The following SLCO5A1 variants were observed in gnomAD, a reference collection of about 807,000 sequenced individuals.
The protein encoded by SLCO5A1 is organic anion transporter polypeptide-related protein 4.
SLCO5A1 carries 39 observed loss-of-function variants against 65.1 expected under a neutral mutation model. That is an observed-to-expected ratio of 0.60 (90% CI 0.46 to 0.78). SLCO5A1 has a LOEUF of 0.78. Ranked by LOEUF, SLCO5A1 falls within the 30% of genes least tolerant of loss-of-function variation. The pLI, the probability that SLCO5A1 is intolerant of heterozygous loss-of-function variation, is 0.00. For missense variants in SLCO5A1, 1,029 were observed against 1,069.4 expected (o/e 0.96, Z 0.53); for synonymous variants, 438 against 415.7 (o/e 1.05, Z -0.65).
chr8:69,703,728 A>C (rs1057303648), intron 6 of SLCO5A1, among the ~76,000 whole-genome samples: 2 of 152,210 alleles, frequency 1.3e-5, no homozygotes, highest in Admixed American at 1.3e-4. Flanking sequence ...GGATGACAAG[A>C]TTCTACTGCG....
chr8:69,729,589 A>G (rs1343037598), intron 5 of SLCO5A1, among the ~76,000 whole-genome samples: 1 of 152,110 alleles, frequency 6.6e-6, no homozygotes, highest in African/African-American at 2.4e-5. Context: ...TCTGAAAACT[A>G]GTAAATAAAG....
intron 2 of SLCO5A1, among the ~76,000 whole-genome samples, chr8:69,784,195 CAA>C (rs1818915781): frequency 6.6e-6 from 1 of 152,034 alleles, no homozygotes; most frequent in Non-Finnish European, 1.5e-5. Flanking sequence ...TCTTACAATT[CAA>C]TAATTAGAAG....
intron 8 of SLCO5A1, among the ~76,000 whole-genome samples, chr8:69,677,144 A>C (rs1813583860): frequency 6.6e-6 from 1 of 152,248 alleles, no homozygotes; most frequent in Admixed American, 6.5e-5. Context: ...AAGAAAGAAG[A>C]GTAAAGAATA....
At chr8:69,824,145 A>G (rs1449145857) in intron 2 of SLCO5A1, among the ~76,000 whole-genome samples, 1 of 152,140 alleles carries the variant, frequency 6.6e-6, no homozygotes, top group Non-Finnish European at 1.5e-5. Context: ...AGGGAAATTT[A>G]TAGCACTAAA....
intron 2 of SLCO5A1, among the ~76,000 whole-genome samples, chr8:69,822,472 T>G (rs978299377): frequency 7.2e-5 from 11 of 152,268 alleles, no homozygotes; most frequent in African/African-American, 2.4e-4. Context: ...AAAATGTTCC[T>G]GTTCAATGTT....
intron 2 of SLCO5A1, among the ~76,000 whole-genome samples, chr8:69,811,651 C>G (rs144155283): frequency 2.6e-5 from 4 of 152,332 alleles, no homozygotes; most frequent in Non-Finnish European, 5.9e-5. Context: ...CTCAGAAAAG[C>G]CACAAGAAGA....
At chr8:69,760,729 T>C (rs1272352830) in intron 3 of SLCO5A1, among the ~76,000 whole-genome samples, 1 of 152,180 alleles carries the variant, frequency 6.6e-6, no homozygotes, top group Non-Finnish European at 1.5e-5. Context: ...TTGTGAAAAA[T>C]AACTTATCAT....
At position 69,747,319 on chromosome 8, in the gene SLCO5A1, C is replaced by G. The variant is rs539533810; in HGVS notation, c.1258+8105G>C. 2.6e-5 allele frequency among the ~76,000 whole-genome samples: 4 copies of G among 152,248 alleles called. No individual in the cohort carries two copies. In the South Asian group the frequency reaches 8.3e-4, roughly 32 times the overall value. Reference sequence around the variant, plus strand: ...TCTCATGAAACTTCTTGATCCTCTTCTTTTATGAGTACTTAAAGTGCAGTT... The same window carrying G: ...TCTCATGAAACTTCTTGATCCTCTTGTTTTATGAGTACTTAAAGTGCAGTT... On this transcript the variant is annotated intron_variant, in intron 4 of 9. Coordinates refer to ENST00000260126, the MANE Select transcript of SLCO5A1 (RefSeq NM_030958.3).
At chr8:69,798,290 G>A (rs753495286) in intron 2 of SLCO5A1, among the ~76,000 whole-genome samples, 1 of 152,058 alleles carries the variant, frequency 6.6e-6, no homozygotes. Context: ...CCAATTTTCT[G>A]TATTGGTCCT....
At chr8:69,723,234 T>C (rs992946185) in intron 5 of SLCO5A1, among the ~76,000 whole-genome samples, 4 of 152,144 alleles carry the variant, frequency 2.6e-5, no homozygotes, top group African/African-American at 9.7e-5. Context: ...TGAATACAAA[T>C]TAAACACATT....
At chr8:69,803,701 G>C (rs1819860794) in intron 2 of SLCO5A1, among the ~76,000 whole-genome samples, 2 of 152,236 alleles carry the variant, frequency 1.3e-5, no homozygotes, top group East Asian at 3.9e-4. Flanking sequence ...ACTCACTAAA[G>C]TGTATGGCTG....
chr8:69,761,029 A>C (rs573482358), intron 3 of SLCO5A1, among the ~76,000 whole-genome samples: 1 of 152,324 alleles, frequency 6.6e-6, no homozygotes, highest in African/African-American at 2.4e-5. Flanking sequence ...AAGTGAAAAC[A>C]ATGTATTTTT....
intron 2 of SLCO5A1, among the ~76,000 whole-genome samples, chr8:69,817,411 C>T (rs980126390): frequency 2.0e-5 from 3 of 152,116 alleles, no homozygotes; most frequent in Non-Finnish European, 2.9e-5. Context: ...GGCTTGCTTC[C>T]GCCTCTTGGC....
intron 2 of SLCO5A1, among the ~76,000 whole-genome samples, chr8:69,774,866 A>C (rs574905091): frequency 3.4e-4 from 52 of 152,166 alleles, no homozygotes; most frequent in Non-Finnish European, 5.6e-4. Context: ...AGTGATACCA[A>C]CTCTCTTTCA....
intron 2 of SLCO5A1, among the ~76,000 whole-genome samples, chr8:69,825,372 A>G (rs2130924469): frequency 6.6e-6 from 1 of 152,362 alleles, no homozygotes; most frequent in East Asian, 1.9e-4. Flanking sequence ...TTGTATATTT[A>G]GAAAACCCCA....
chr8:69,833,675 C>T (rs1184292747), intron 1 of SLCO5A1: 1 of 152,262 alleles, frequency 6.6e-6, no homozygotes, highest in South Asian at 2.1e-4. Context: ...TGTGTGCACA[C>T]TGGTGTGCGT....
At chr8:69,821,815 A>G (rs1158305206) in intron 2 of SLCO5A1, among the ~76,000 whole-genome samples, 1 of 151,764 alleles carries the variant, frequency 6.6e-6, no homozygotes, top group East Asian at 1.9e-4. Context: ...CAAAAAAAAA[A>G]AAAAAAAGAA....
At position 69,667,449 on chromosome 8, in the gene SLCO5A1, G is replaced by GA. The variant is rs1226742010; in HGVS notation, c.*5419dup. On this transcript the variant is annotated 3_prime_UTR_variant, in exon 10 of 10. Transcript: ENST00000260126. ...TTTGGGGTAGAGGTATGTATTTTAA[G>GA]AAAAATGCCCATTATTTGGTACTAC... 5 of 152,100 alleles carry GA rather than the reference G, an allele frequency of 3.3e-5. No homozygotes were observed. The highest frequency in any genetic ancestry group is 2.0e-4 in the Admixed American group (3 of 15,266). The allele number at this position is 152,100 out of a possible 1,614,324, so 9.4% of individuals were successfully genotyped here. A position where few individuals can be genotyped will look rare whatever the true frequency, so the allele number is the denominator to read the frequency against.
In SLCO5A1 at chr8:69,672,902, T is replaced by TG. The variant is rs1393466574; in HGVS notation, c.2513_2514insC (p.Glu838AspfsTer20). ...GCGGCTCCAAGGCAGCGGGGCTCTC[T>TG]TCCAGCCCCGGGTCCGCAGAGGAAC... On this transcript the variant is annotated frameshift_variant, in exon 10 of 10. Transcript: ENST00000260126. LOFTEE classifies it high-confidence loss of function. The TG allele has an allele frequency of 3.0e-5, 48 of 1,613,516 alleles. No individual in the cohort carries two copies. Among genetic ancestry groups the TG allele is most frequent in the Non-Finnish European group, 3.8e-5 (45 of 1,179,520 alleles).
Sources: allele counts gnomAD v4.1 joint callset (sites outside exome capture counted in the v4.1 genomes callset), GRCh38; gene constraint gnomAD v4.1.1; transcripts MANE v1.5; gene names NCBI Gene and HGNC (gene_info 2026-07-23, HGNC 2026-07-21).